AK7: variants seen among roughly 807,000 people sequenced by gnomAD.
AK7 encodes the protein adenylate kinase 7.
Under a neutral mutation model 96.6 loss-of-function variants are expected in AK7, and 78 were observed. The ratio of observed to expected loss-of-function variants is 0.81; its 90% CI spans 0.67 to 0.97. The LOEUF is 0.97. AK7 is among the 50% of genes least tolerant of loss of function. The pLI is 0.00. For synonymous variants in AK7, 302 were observed against 317.2 expected (o/e 0.95, Z 0.51); for missense variants, 855 against 887.9 (o/e 0.96, Z 0.47).
At chr14:96,446,791 T>G (rs534540962) in intron 8 of AK7, among the ~76,000 whole-genome samples, 184 bp downstream of exon 8, 1 of 152,010 alleles carries the variant, frequency 6.6e-6, no homozygotes, top group African/African-American at 2.4e-5. Context: ...AATACAAAAA[T>G]TAGCCGGGCA....
chr14:96,433,667 C>G (rs920282595), intron 5 of AK7, among the ~76,000 whole-genome samples: 1 of 152,198 alleles, frequency 6.6e-6, no homozygotes, highest in African/African-American at 2.4e-5. Context: ...CTGAAGCCTA[C>G]TTCTGTCAAC....
chr14:96,430,132 G>A (rs1406428289), intron 5 of AK7, among the ~76,000 whole-genome samples: 5 of 151,276 alleles, frequency 3.3e-5, no homozygotes, highest in South Asian at 4.2e-4. Flanking sequence ...TTTGAGATAC[G>A]TTCCATCAAT....
intron 13 of AK7, among the ~76,000 whole-genome samples, chr14:96,472,286 C>T (rs1421332120): frequency 1.3e-5 from 2 of 152,156 alleles, no homozygotes; most frequent in Non-Finnish European, 2.9e-5. Flanking sequence ...CTCAGTCTCC[C>T]GAGTAGCTGG....
intron 12 of AK7, 105 bp from the exon 13 acceptor site, chr14:96,471,373 A>G (rs1392997134): frequency 3.3e-6 from 2 of 604,066 alleles, no homozygotes; most frequent in Non-Finnish European, 5.0e-6. Context: ...GGGATTTCCA[A>G]TAGTACCTTT....
At chr14:96,430,792 T>C (rs1317653524) in intron 5 of AK7, among the ~76,000 whole-genome samples, 1 of 152,198 alleles carries the variant, frequency 6.6e-6, no homozygotes, top group Non-Finnish European at 1.5e-5. Flanking sequence ...CCTCATAAAA[T>C]GAGTTAGGGA....
chr14:96,414,383 A>G (rs892686257), intron 4 of AK7, among the ~76,000 whole-genome samples: 3 of 152,256 alleles, frequency 2.0e-5, no homozygotes, highest in Non-Finnish European at 2.9e-5. Context: ...GTCTAACTGC[A>G]TCCAGGAAAT....
chr14:96,480,969 T>G (rs1039881756), intron 15 of AK7, among the ~76,000 whole-genome samples: 2 of 152,202 alleles, frequency 1.3e-5, no homozygotes, highest in Non-Finnish European at 2.9e-5. Flanking sequence ...TCTCATCAGC[T>G]CTGGACTCTG....
At chr14:96,462,797 T>A (rs534865339) in intron 12 of AK7, among the ~76,000 whole-genome samples, 11 of 152,166 alleles carry the variant, frequency 7.2e-5, no homozygotes, top group Non-Finnish European at 1.2e-4. Flanking sequence ...ATTTTTTTTT[T>A]AAACAAAACA....
chr14:96,430,376 G>A (rs574949548), intron 5 of AK7, among the ~76,000 whole-genome samples: 6 of 151,836 alleles, frequency 4.0e-5, no homozygotes, highest in Non-Finnish European at 8.8e-5. Flanking sequence ...TAGTAGAGAC[G>A]GGGTTTCACT....
At chr14:96,470,016 C>T (rs1005221421) in intron 12 of AK7, among the ~76,000 whole-genome samples, 1 of 152,058 alleles carries the variant, frequency 6.6e-6, no homozygotes, top group Non-Finnish European at 1.5e-5. Flanking sequence ...GAGAGTTTCT[C>T]CATGTTGGTC....
intron 5 of AK7, among the ~76,000 whole-genome samples, chr14:96,435,307 G>A (rs1002487743): frequency 2.6e-5 from 4 of 152,152 alleles, no homozygotes; most frequent in African/African-American, 9.7e-5. Context: ...CAAGTTAGCA[G>A]GTGATGAATG....
intron 12 of AK7, among the ~76,000 whole-genome samples, chr14:96,464,788 C>T (rs1894466978): frequency 6.6e-6 from 1 of 152,124 alleles, no homozygotes. Context: ...TCTATAAGTT[C>T]TGGGTCTTTA....
intron 5 of AK7, among the ~76,000 whole-genome samples, chr14:96,436,419 T>A (rs1181641675): frequency 6.6e-6 from 1 of 151,796 alleles, no homozygotes; most frequent in African/African-American, 2.4e-5. Flanking sequence ...CCGAGGCAGG[T>A]GAATCACTTG....
chr14:96,457,054 C>CTTTTTTTTTT (rs35838636), intron 11 of AK7: 4 of 86,758 alleles, frequency 4.6e-5, no homozygotes, highest in East Asian at 3.9e-4. Flanking sequence ...TGTAAAATGG[C>CTTTTTTTTTT]TTTTTTTTTT....
chr14:96,432,202 C>CTTTTT (rs71103525), intron 5 of AK7, among the ~76,000 whole-genome samples: 26 of 101,186 alleles, frequency 2.6e-4, no homozygotes, highest in South Asian at 4.0e-4. Context: ...GCAACCCCTG[C>CTTTTT]TTTTTTTTTT....
chr14:96,401,757 T>G (rs776798831), intron 2 of AK7, among the ~76,000 whole-genome samples: 64 of 152,214 alleles, frequency 4.2e-4, no homozygotes, highest in Middle Eastern at 3.2e-3. Context: ...TCTACCTGGC[T>G]CAACAAGTCA....
intron 2 of AK7, among the ~76,000 whole-genome samples, chr14:96,400,181 A>T (rs1264244246): frequency 4.6e-5 from 7 of 151,636 alleles, no homozygotes; most frequent in African/African-American, 1.7e-4. Context: ...TGGGACTACA[A>T]GCGCGTGCCA....
chr14:96,413,543 G>T (rs1160255866), intron 4 of AK7, among the ~76,000 whole-genome samples: 2 of 152,192 alleles, frequency 1.3e-5, no homozygotes, highest in Non-Finnish European at 2.9e-5. Context: ...TCTAATCGTT[G>T]CCTGCCCACT....
At chr14:96,406,541 T>C (rs904218049) in intron 3 of AK7, among the ~76,000 whole-genome samples, 15 of 152,146 alleles carry the variant, frequency 9.9e-5, no homozygotes, top group Non-Finnish European at 1.9e-4. Context: ...TGCAAGAAAA[T>C]ATAGTCAGAG....
Sources: allele counts gnomAD v4.1 joint callset (sites outside exome capture counted in the v4.1 genomes callset), GRCh38; gene constraint gnomAD v4.1.1; transcripts MANE v1.5; gene names NCBI Gene and HGNC (gene_info 2026-07-23, HGNC 2026-07-21).